INTS1: variants seen among roughly 807,000 people sequenced by gnomAD.
INTS1 encodes the protein integrator complex subunit 1.
A neutral mutation model predicts 241.6 loss-of-function variants in INTS1; 137 were observed. The observed-to-expected ratio is 0.57, with a 90% CI of 0.49 to 0.65. The LOEUF (loss-of-function observed/expected upper bound fraction) is 0.65. INTS1 is among the 30% of genes least tolerant of loss of function. The pLI is 0.00. For synonymous variants in INTS1, 1,692 were observed against 1,337.8 expected, an observed-to-expected ratio of 1.26 and a Z score of -5.78; for missense variants, 3,073 against 3,032.2, an observed-to-expected ratio of 1.01 and a Z score of -0.32.
In INTS1 at chr7:1,500,178, C is replaced by T. The variant is rs761877620; in HGVS notation, c.538G>A (p.Val180Ile). The change falls in exon 4 of 48, where the codon GTC becomes ATC. Residue 180 changes from valine to isoleucine, a missense_variant. Physicochemically the swap from Val to Ile is conservative, Grantham distance 29 (BLOSUM62 3). Transcript: ENST00000404767. The part of the protein sequence containing the change: ...IKPNIFATEG[V>I]IEALCSLLRR... ...AGGGGCCCGGCTCAAACCTCAATGACGCCCTCAGTGGCGAAGATGTTGGGC... is the reference window on the plus strand; with the variant it reads ...AGGGGCCCGGCTCAAACCTCAATGATGCCCTCAGTGGCGAAGATGTTGGGC... 3.2e-6 allele frequency: 5 copies of T among 1,586,864 alleles called. No homozygotes were observed. The highest frequency in any genetic ancestry group is 4.3e-6 in the Non-Finnish European group (5 of 1,161,752).
intron 25 of INTS1, 32 bp from the exon 26 acceptor site, chr7:1,483,885 G>C (rs1782117018): frequency 6.3e-7 from 1 of 1,599,946 alleles, no homozygotes; most frequent in African/African-American, 1.3e-5. Context: ...CAGGCCGTAA[G>C]GTTCAGGGAC....
intron 33 of INTS1, 45 bp from the exon 34 acceptor site, chr7:1,477,981 T>C: frequency 6.4e-7 from 1 of 1,556,638 alleles, no homozygotes; most frequent in South Asian, 1.1e-5. Context: ...CCAGGTCGGG[T>C]GGGGGCCGCT....
chr7:1,499,831 G>A, intron 5 of INTS1, 53 bp downstream of exon 5: 2 of 1,578,656 alleles, frequency 1.3e-6, no homozygotes, highest in South Asian at 2.3e-5. Context: ...TCTCGCCCCT[G>A]CCCCACCCCG....
intron 17 of INTS1, 71 bp downstream of exon 17, chr7:1,489,516 AACAG>A: frequency 1.3e-6 from 2 of 1,529,440 alleles, no homozygotes; most frequent in South Asian, 2.4e-5. Flanking sequence ...CCCAAGTCCC[AACAG>A]ACAAACTGCC....
At chr7:1,498,629 GCACCCCCGCTCCGCCCA>G in intron 9 of INTS1, 61 bp downstream of exon 9, 3 of 1,218,410 alleles carry the variant, frequency 2.5e-6, no homozygotes, top group Non-Finnish European at 3.2e-6. Context: ...CACTCCGCCC[GCACCCCCGCTCCGCCCA>G]CACCCCCACC....
intron 3 of INTS1, 124 bp downstream of exon 3, chr7:1,502,777 A>G (rs1324264817): frequency 3.8e-6 from 4 of 1,051,006 alleles, no homozygotes; most frequent in Non-Finnish European, 2.8e-6. Context: ...AGCCACAAAC[A>G]TCCGCTCTCC....
chr7:1,498,536 T>C lies in INTS1; in HGVS notation c.1301A>G (p.His434Arg). ...MLCIRELLSA[H>R]KDNLGTTIKL... ...GATGGTGGTGCCCAGGTTGTCCTTG[T>C]GCGCGCTCAGCAGCTCCCTGGGTGA... Residue 434 changes from histidine (H) to arginine (R), a missense_variant, in exon 10 of 48, where the codon CAC (histidine) becomes CGC (arginine). Physicochemically the swap from His to Arg is conservative, Grantham distance 29. Coordinates refer to ENST00000404767, the MANE Select transcript of INTS1 (RefSeq NM_001080453.3). 1 of 1,613,854 alleles carries C rather than the reference T, an allele frequency of 6.2e-7. No homozygotes were observed. The highest frequency in any genetic ancestry group is 8.5e-7 in the Non-Finnish European group (1 of 1,179,860).
Position 1,474,785 on chromosome 7 carries a change from G to A in INTS1, c.5556C>T (p.Ser1852=). The A allele has an allele frequency of 6.3e-7, 1 of 1,583,400 alleles. No individual in the cohort carries two copies. The highest frequency in any genetic ancestry group is 8.6e-7 in the Non-Finnish European group (1 of 1,167,306). Residue 1852 remains serine (S), a synonymous_variant, in exon 40 of 48, where the codon TCC becomes TCT. Transcript: ENST00000404767. ...FITLLADTSD[S]RALENRGADA... ...CCGCCCCTCGGTTCTCCAACGCCCG[G>A]GAGTCGCTGGTGTCCGCAAGGAGCG...
At chr7:1,472,430 A>G in intron 43 of INTS1, 44 bp from the exon 44 acceptor site, 12 of 1,370,614 alleles carry the variant, frequency 8.8e-6, no homozygotes, top group Non-Finnish European at 1.2e-5. Context: ...GAGCGGCAGG[A>G]CGTGCCACAC....
chr7:1,479,314 C>T, intron 31 of INTS1, 116 bp downstream of exon 31: 4 of 1,243,228 alleles, frequency 3.2e-6, no homozygotes, highest in Non-Finnish European at 4.4e-6. Flanking sequence ...TCCTTTCTCA[C>T]TTGGAAACTG....
intron 30 of INTS1, among the ~76,000 whole-genome samples, 190 bp downstream of exon 30, chr7:1,480,127 A>AT (rs1172073405): frequency 6.6e-6 from 1 of 152,256 alleles, no homozygotes; most frequent in Non-Finnish European, 1.5e-5. Context: ...ATCTGAGAGC[A>AT]TGGGGGTGTT....
chr7:1,476,462 C>G lies in INTS1; in HGVS notation c.5152-7G>C. The G allele has an allele frequency of 6.5e-7, 1 of 1,527,330 alleles. No homozygotes were observed. The highest frequency in any genetic ancestry group is 8.8e-7 in the Non-Finnish European group (1 of 1,142,344). 94.6% of individuals were successfully genotyped at this position (1,527,330 alleles called of 1,614,324 possible). A position where few individuals can be genotyped will look rare whatever the true frequency, so the allele number is the denominator to read the frequency against. On this transcript the variant is annotated splice_region_variant and splice_polypyrimidine_tract_variant and intron_variant, in intron 37 of 47. Coordinates refer to ENST00000404767, the MANE Select transcript of INTS1 (RefSeq NM_001080453.3). ...CCAGCTCCTCCCGCCGCTTCTGTAA[C>G]GGGTGCCTGCATCAGCCCCGGAGCA...
intron 26 of INTS1, chr7:1,483,182 T>C: frequency 4.6e-6 from 1 of 216,888 alleles, no homozygotes. Context: ...GCATGAGGGT[T>C]CCGCCCCCTT....
rs1356041055 is a variant in INTS1 at position 1,482,575 on chromosome 7, C to A, written c.3674G>T (p.Arg1225Leu). ...LPDWLKLRMI[R>L]SEVLRLVDAA... Reference sequence around the variant, plus strand: ...GTCCACCAGGCGGAGCACCTCAGAACGGATCATGCGCAGCTTCAGCCAGTC... The same window carrying A: ...GTCCACCAGGCGGAGCACCTCAGAAAGGATCATGCGCAGCTTCAGCCAGTC... Residue 1225 changes from arginine to leucine, a missense_variant, in exon 27 of 48, where the codon CGT (arginine) becomes CTT (leucine). By Grantham distance (102) the Arg-to-Leu change is moderately radical. Transcript: ENST00000404767. 1 of 1,612,704 alleles carries A rather than the reference C, an allele frequency of 6.2e-7. No homozygotes were observed. The highest frequency in any genetic ancestry group is 1.7e-5 in the Admixed American group (1 of 60,016).
rs759042293 is a variant in INTS1 at position 1,497,199 on chromosome 7, G to A, written c.1541C>T (p.Ala514Val). The A allele has an allele frequency of 7.4e-6, 12 of 1,612,416 alleles. No homozygotes were observed. The highest frequency in any genetic ancestry group is 4.0e-5 in the African/African-American group (3 of 74,824). Residue 514 changes from alanine (A) to valine (V), a missense_variant, in exon 11 of 48, where the codon GCC becomes GTC. Coordinates refer to ENST00000404767, the MANE Select transcript of INTS1 (RefSeq NM_001080453.3). This position sits in a 1 kb window ranked among gnomAD's most constrained non-coding sequence, Gnocchi z 5.3. ...KQTKHEINFQAFCLGLMQERK... is the reference protein window; with the variant it reads ...KQTKHEINFQVFCLGLMQERK... ...CTCCTGCATGAGCCCCAGGCAGAAG[G>A]CCTGGAAGTTGATCTCGTGCTTGGT...
At position 1,476,574 on chromosome 7, in the gene INTS1, G is replaced by A. The variant is rs754368707; in HGVS notation, c.5147C>T (p.Pro1716Leu). 1.2e-5 allele frequency: 18 copies of A among 1,494,784 alleles called. No individual in the cohort carries two copies. Among genetic ancestry groups the A allele is most frequent in the South Asian group, 5.9e-5 (5 of 84,674 alleles). 92.6% of individuals were successfully genotyped at this position (1,494,784 alleles called of 1,614,324 possible). A position where few individuals can be genotyped will look rare whatever the true frequency, so the allele number is the denominator to read the frequency against. Reference protein sequence around the residue: ...RIWQGRDQRTPQKRREELVLR... With the variant: ...RIWQGRDQRTLQKRREELVLR... ...GGCCACCCTCCCAAGACCTGCCTGCGGGGTGCGCTGGTCCCGCCCCTGCCA... is the reference window on the plus strand; with the variant it reads ...GGCCACCCTCCCAAGACCTGCCTGCAGGGTGCGCTGGTCCCGCCCCTGCCA... The change falls in exon 37 of 48, where the codon CCG (proline) becomes CTG (leucine). Residue 1716 changes from proline (P) to leucine (L), a missense_variant. By Grantham distance (98) the Pro-to-Leu change is moderately conservative. Transcript: ENST00000404767.
chr7:1,485,631 C>T (rs1475785889), intron 22 of INTS1, 162 bp from the exon 23 acceptor site: 4 of 695,066 alleles, frequency 5.8e-6, no homozygotes, highest in African/African-American at 3.6e-5. Flanking sequence ...CGAGACTGAG[C>T]TCTTTCTGTT....
chr7:1,474,641 G>A, intron 40 of INTS1, 64 bp downstream of exon 40: 2 of 1,501,846 alleles, frequency 1.3e-6, no homozygotes, highest in South Asian at 1.2e-5. Context: ...TGCCCAGGCT[G>A]GAGAGCCGCA....
chr7:1,495,396 G>A (rs752328559), intron 13 of INTS1, 37 bp downstream of exon 13: 55 of 1,585,056 alleles, frequency 3.5e-5, no homozygotes, highest in Non-Finnish European at 4.5e-5. Context: ...GGCTCAGTGG[G>A]GTGTGGGACA....
Sources: allele counts gnomAD v4.1 joint callset (sites outside exome capture counted in the v4.1 genomes callset), GRCh38; gene constraint gnomAD v4.1.1; non-coding constraint Gnocchi (gnomAD v3.1); transcripts MANE v1.5; gene names NCBI Gene and HGNC (gene_info 2026-07-23, HGNC 2026-07-21).